Variants in ANKMY1 observed in about 807,000 individuals in gnomAD.
ANKMY1 encodes ankyrin repeat and MYND domain-containing protein 1.
Under a neutral mutation model 102.0 loss-of-function variants are expected in ANKMY1, and 98 were observed. The observed-to-expected ratio is 0.96, with a 90% CI of 0.82 to 1.14. The LOEUF is 1.14. ANKMY1 is among the 50% of genes most tolerant of loss of function. ANKMY1 has a pLI of 0.00. For synonymous variants in ANKMY1, 582 were observed against 559.9 expected (o/e 1.04, Z -0.56); for missense variants, 1,330 against 1,347.6 (o/e 0.99, Z 0.20).
At position 240,512,859 on chromosome 2, in the gene ANKMY1, G is replaced by A. The variant is rs377587183; in HGVS notation, c.2088C>T (p.Ala696=). The change falls in exon 10 of 18, where the codon GCC becomes GCT. Residue 696 remains alanine, a synonymous_variant. Transcript: ENST00000401804. The stretch of plus-strand genomic sequence containing the variant: ...ATGCCTTGGCGTCCACATCGGTGAT[G>A]GCATGCAACAGCAGCTCCACAATCT... ...GVQIVELLLH[A]ITDVDAKASD... is the part of the protein sequence containing the mutation. 6 of 1,613,974 alleles carry A rather than the reference G, an allele frequency of 3.7e-6. No individual in the cohort carries two copies. In the African/African-American group the frequency reaches 6.7e-5, roughly 18 times the overall value.
At chr2:240,514,379 G>A (rs547198943) in intron 9 of ANKMY1, among the ~76,000 whole-genome samples, 49 of 152,242 alleles carry the variant, frequency 3.2e-4, no homozygotes, top group South Asian at 2.9e-3. Context: ...CCAGTGCTAA[G>A]GTGACTTAAT....
chr2:240,471,595 G>A, the ANKMY1 span, among the ~76,000 whole-genome samples: 2 of 152,226 alleles, frequency 1.3e-5, no homozygotes, highest in African/African-American at 2.4e-5. Context: ...AAAAAACAAG[G>A]AGATTGGAAA....
chr2:240,552,925 G>T lies in ANKMY1; in HGVS notation c.469C>A (p.Arg157=). Residue 157 remains arginine, a synonymous_variant, in exon 4 of 18, where the codon CGG becomes AGG. Coordinates refer to ENST00000401804, the MANE Select transcript of ANKMY1 (RefSeq NM_001282771.3). ...GGCAGCCCCCTCACCTGGAAAAGCC[G>T]TGTCTTCATGTACATGGTGCCGTAG... The part of the protein sequence containing the change: ...EGYGTMYMKT[R]LFQGLYKADQ... 1 of 1,613,780 alleles carries T rather than the reference G, an allele frequency of 6.2e-7. No individual in the cohort carries two copies. Among genetic ancestry groups the T allele is most frequent in the Non-Finnish European group, 8.5e-7 (1 of 1,180,008 alleles).
At chr2:240,557,808 C>G (rs912299235) in intron 1 of ANKMY1, 73 bp downstream of exon 1, 22 of 937,142 alleles carry the variant, frequency 2.3e-5, no homozygotes, top group African/African-American at 3.6e-5. Flanking sequence ...GGCGCCCCCC[C>G]GCACCCGCCG....
chr2:240,525,806 C>A lies in ANKMY1; in HGVS notation c.1214G>T (p.Gly405Val). The change falls in exon 7 of 18, where the codon GGG (glycine) becomes GTG (valine). Residue 405 changes from glycine (G) to valine (V), a missense_variant. By Grantham distance (109) the Gly-to-Val change is moderately radical. Transcript: ENST00000401804. ...NDIVNLLLDC[G>V]ADVNKCSDEG... ...ATCTGAGCACTTGTTCACGTCGGCC[C>A]CACAGTCCAGGAGAAGGTTGACAAT... 1 of 1,614,076 alleles carries A rather than the reference C, an allele frequency of 6.2e-7. No homozygotes were observed. The highest frequency in any genetic ancestry group is 8.5e-7 in the Non-Finnish European group (1 of 1,179,998).
chr2:240,489,467 A>G (rs992951596), intron 15 of ANKMY1, among the ~76,000 whole-genome samples: 1 of 152,096 alleles, frequency 6.6e-6, no homozygotes, highest in Non-Finnish European at 1.5e-5. Flanking sequence ...AAAAAAAAAA[A>G]AAAGAGTTTT....
At chr2:240,496,441 A>C (rs2077282543) in intron 15 of ANKMY1, among the ~76,000 whole-genome samples, 1 of 151,992 alleles carries the variant, frequency 6.6e-6, no homozygotes, top group South Asian at 2.1e-4. Flanking sequence ...CTTTCCCCTG[A>C]TGATCTCTTC....
intron 10 of ANKMY1, among the ~76,000 whole-genome samples, 154 bp downstream of exon 10, chr2:240,512,648 G>C (rs1262002720): frequency 6.6e-6 from 1 of 152,234 alleles, no homozygotes; most frequent in Admixed American, 6.5e-5. Flanking sequence ...GTTCTCATCT[G>C]GACGGGTTGT....
the ANKMY1 span, among the ~76,000 whole-genome samples, chr2:240,468,697 T>G: frequency 2.6e-5 from 4 of 152,212 alleles, no homozygotes; most frequent in Non-Finnish European, 4.4e-5. Flanking sequence ...GTGAACATTT[T>G]TAACATTGCG....
At chr2:240,509,805 A>T (rs2079787225) in intron 11 of ANKMY1, among the ~76,000 whole-genome samples, 1 of 152,078 alleles carries the variant, frequency 6.6e-6, no homozygotes, top group Admixed American at 6.5e-5. Flanking sequence ...GGCATACAGC[A>T]GGTGTGACTG....
At position 240,512,910 on chromosome 2, in the gene ANKMY1, G is replaced by A. The variant is rs770499369; in HGVS notation, c.2037C>T (p.Ala679=). 130 of 1,613,790 alleles carry A rather than the reference G, an allele frequency of 8.1e-5. No individual in the cohort carries two copies. The Admixed American group carries it at 1.4e-3, about 18-fold the overall frequency. Reference sequence around the variant, plus strand: ...GTACCCCCTCCTCCCCAGGAAGGGCGGCAGCGATGTGGAGTGGTGTCAGGG... The same window carrying A: ...GTACCCCCTCCTCCCCAGGAAGGGCAGCAGCGATGTGGAGTGGTGTCAGGG... The part of the protein sequence containing the change: ...LSTLTPLHIA[A]ALPGEEGVQI... Residue 679 remains alanine (A), a synonymous_variant, in exon 10 of 18, where the codon GCC becomes GCT. Transcript: ENST00000401804.
At position 240,487,713 on chromosome 2, in the gene ANKMY1, G is replaced by GT. The variant is rs571603626; in HGVS notation, c.2807-5453dup. Among the ~76,000 whole-genome samples the GT allele has an allele frequency of 6.3e-4, 95 of 151,772 alleles. No individual in the cohort carries two copies. In the South Asian group the frequency reaches 0.017, roughly 27 times the overall value. On this transcript the variant is annotated intron_variant, in intron 15 of 17. Transcript: ENST00000401804. ...ATTAGTGATGTTGAGCTATTCTTTT[G>GT]TTTTTTTTAGGCATAAGACGAACAG...
upstream of ANKMY1, chr2:240,560,857 C>A (rs2092922532): frequency 4.3e-6 from 6 of 1,395,296 alleles, no homozygotes; most frequent in Non-Finnish European, 5.5e-6. Context: ...CAGCCCGGCC[C>A]GCGCGCGCCC....
chr2:240,514,298 T>C (rs553005382), intron 9 of ANKMY1, among the ~76,000 whole-genome samples: 1 of 152,042 alleles, frequency 6.6e-6, no homozygotes, highest in Non-Finnish European at 1.5e-5. Context: ...TCCAGGCCAG[T>C]AGGGAGAGCA....
intron 15 of ANKMY1, among the ~76,000 whole-genome samples, chr2:240,491,307 T>C (rs2076626718): frequency 6.6e-6 from 1 of 152,200 alleles, no homozygotes; most frequent in Non-Finnish European, 1.5e-5. Flanking sequence ...TTAGCTATTC[T>C]AGCTTTTAAG....
chr2:240,489,600 A>G (rs1450993466), intron 15 of ANKMY1, among the ~76,000 whole-genome samples: 1 of 152,204 alleles, frequency 6.6e-6, no homozygotes, highest in Non-Finnish European at 1.5e-5. Flanking sequence ...CATATGTTGA[A>G]CTATCCTTGC....
Position 240,525,855 on chromosome 2 carries a change from G to A in ANKMY1, c.1171-6C>T, listed in dbSNP as rs2083265337. On this transcript the variant is annotated splice_polypyrimidine_tract_variant and splice_region_variant and intron_variant, in intron 6 of 17. Coordinates refer to ENST00000401804, the MANE Select transcript of ANKMY1 (RefSeq NM_001282771.3). ...ATGTCGTTGTGGCAGTGAGTCTGGA[G>A]GGAGATGAGGCAGGACTCAGGATGA... is the stretch of plus-strand genomic sequence containing the variant. 6.2e-7 allele frequency: 1 copy of A among 1,613,532 alleles called. No individual in the cohort carries two copies. Among genetic ancestry groups the A allele is most frequent in the South Asian group, 1.1e-5 (1 of 91,030 alleles).
Position 240,529,116 on chromosome 2 carries a change from C to T in ANKMY1, c.874G>A (p.Val292Ile), listed in dbSNP as rs372318335. The stretch of plus-strand genomic sequence containing the variant: ...ATGAACCATGGTTCTCCATCCTCAA[C>T]GAACGGAGGAATTTCATTGAGGAAG... ...RIFLNEIPPFVEDGEPWFIIN... is the reference protein window; with the variant it reads ...RIFLNEIPPFIEDGEPWFIIN... The change falls in exon 5 of 18, where the codon GTT becomes ATT. Residue 292 changes from valine (V) to isoleucine (I), a missense_variant. Val to Ile is a conservative substitution (Grantham distance 29). Coordinates refer to ENST00000401804, the MANE Select transcript of ANKMY1 (RefSeq NM_001282771.3). This position sits in a 1 kb window ranked among gnomAD's most constrained non-coding sequence, Gnocchi z 4.2. 1.5e-5 allele frequency: 24 copies of T among 1,614,178 alleles called. No homozygotes were observed. Among genetic ancestry groups the T allele is most frequent in the Middle Eastern group, 1.7e-4 (1 of 6,060 alleles).
chr2:240,558,772 G>A (rs1198741266), upstream of ANKMY1, among the ~76,000 whole-genome samples: 1 of 152,140 alleles, frequency 6.6e-6, no homozygotes, highest in Non-Finnish European at 1.5e-5. Flanking sequence ...GCTGGGCCAG[G>A]ATTCTGGGGT....
Sources: allele counts gnomAD v4.1 joint callset (sites outside exome capture counted in the v4.1 genomes callset), GRCh38; gene constraint gnomAD v4.1.1; non-coding constraint Gnocchi (gnomAD v3.1); transcripts MANE v1.5; gene names NCBI Gene and HGNC (gene_info 2026-07-23, HGNC 2026-07-21).